Variants in TRPM8 observed in about 807,000 individuals in gnomAD.
The protein encoded by TRPM8 is TRPM8 cationic channel.
In TRPM8, 110 loss-of-function variants were observed where a neutral mutation model predicts 133.7. The observed-to-expected ratio is 0.82, with a 90% CI of 0.70 to 0.96. The LOEUF is 0.96. TRPM8 is among the 40% of genes least tolerant of loss of function. The pLI, the probability that TRPM8 is intolerant of heterozygous loss-of-function variation, is 0.00. For missense variants in TRPM8, 1,291 were observed against 1,379.5 expected, an observed-to-expected ratio of 0.94 and a Z score of 1.02; for synonymous variants, 535 against 532.3, an observed-to-expected ratio of 1.01 and a Z score of -0.07.
intron 20 of TRPM8, among the ~76,000 whole-genome samples, chr2:233,983,710 G>A (rs758018897): frequency 6.6e-6 from 1 of 152,178 alleles, no homozygotes; most frequent in Non-Finnish European, 1.5e-5. Flanking sequence ...GCCCACACCC[G>A]ATTTACAGAA....
chr2:233,945,804 G>A, intron 6 of TRPM8, 52 bp from the exon 7 acceptor site: 2 of 1,491,472 alleles, frequency 1.3e-6, no homozygotes, highest in Non-Finnish European at 1.9e-6. Flanking sequence ...ATATCATCAT[G>A]TATCTTGACT....
intron 8 of TRPM8, 93 bp downstream of exon 8, chr2:233,947,248 A>G: frequency 1.9e-6 from 3 of 1,576,574 alleles, no homozygotes; most frequent in South Asian, 2.3e-5. Flanking sequence ...AATCTAACCT[A>G]ATTGATTTTA....
intron 21 of TRPM8, among the ~76,000 whole-genome samples, chr2:233,995,926 G>C (rs981658649): frequency 4.6e-5 from 7 of 151,856 alleles, no homozygotes; most frequent in Admixed American, 1.3e-4. Context: ...TTTCTTCTCA[G>C]GCTGTTTACA....
intron 1 of TRPM8, among the ~76,000 whole-genome samples, chr2:233,920,943 G>A (rs964228513): frequency 2.0e-5 from 3 of 147,810 alleles, no homozygotes; most frequent in Non-Finnish European, 4.4e-5. Flanking sequence ...CGCAACCTCC[G>A]CCTCCTGGAT....
chr2:233,930,747 C>A lies in TRPM8; in HGVS notation c.191+6C>A. 1 of 1,593,770 alleles carries A rather than the reference C, an allele frequency of 6.3e-7. No individual in the cohort carries two copies. ...ACCAAAGATTCCAAGGCCACGTAAG[C>A]TACTATTTTCCCTCCAGTTTTGCTT... On this transcript the variant is annotated splice_donor_region_variant and intron_variant, in intron 3 of 25. Transcript: ENST00000324695.
chr2:233,951,035 TACAAACAAACAAACAA>T (rs67334712), intron 9 of TRPM8, among the ~76,000 whole-genome samples: 6 of 150,712 alleles, frequency 4.0e-5, no homozygotes, highest in South Asian at 2.1e-4. Context: ...ACCCCGTCCC[TACAAACAAACAAACAA>T]ACAAACAAAC....
intron 3 of TRPM8, among the ~76,000 whole-genome samples, chr2:233,932,554 C>T (rs763183796): frequency 3.3e-5 from 5 of 152,104 alleles, no homozygotes; most frequent in East Asian, 1.9e-4. Flanking sequence ...AAAATCAGGG[C>T]GCACTTACTA....
At chr2:233,943,444 C>T (rs1690966756) in intron 6 of TRPM8, among the ~76,000 whole-genome samples, 1 of 152,210 alleles carries the variant, frequency 6.6e-6, no homozygotes, top group African/African-American at 2.4e-5. Flanking sequence ...TGGAAACCAT[C>T]ATTCTCAGCA....
At chr2:233,978,175 A>G (rs1450779204) in intron 17 of TRPM8, among the ~76,000 whole-genome samples, 3 of 148,840 alleles carry the variant, frequency 2.0e-5, no homozygotes, top group Non-Finnish European at 4.4e-5. Context: ...GAACACACGT[A>G]TTTCACAGAA....
Position 233,985,729 on chromosome 2 carries a change from G to C in TRPM8, c.2803G>C (p.Glu935Gln), listed in dbSNP as rs754517958. 3.1e-5 allele frequency: 50 copies of C among 1,614,204 alleles called. 1 individual carries two copies. In the South Asian group the frequency reaches 5.4e-4, roughly 17 times the overall value. ...DFAHCTFTGN[E>Q]SKPLCVELDE... Reference sequence around the variant, plus strand: ...TGCCCACTGCACCTTCACTGGGAATGAGTCCAAGCCACTGTGTGTGGAGCT... The same window carrying C: ...TGCCCACTGCACCTTCACTGGGAATCAGTCCAAGCCACTGTGTGTGGAGCT... The change falls in exon 21 of 26, where the codon GAG (glutamate) becomes CAG (glutamine). Residue 935 changes from glutamate (E) to glutamine (Q), a missense_variant. This residue lies in a region of TRPM8 where 328 missense variants were observed against 410.6 expected (regional missense o/e 0.80). Transcript: ENST00000324695.
rs375752956 is a variant in TRPM8, at chr2:233,996,333, G to A, written c.2947G>A (p.Val983Met). 3 of 1,614,072 alleles carry A rather than the reference G, an allele frequency of 1.9e-6. No homozygotes were observed. Among genetic ancestry groups the A allele is most frequent in the Non-Finnish European group, 2.5e-6 (3 of 1,179,966 alleles). ...NLLVAMFGYTVGTVQENNDQV... is the reference protein window; with the variant it reads ...NLLVAMFGYTMGTVQENNDQV... ...TCTCTCTTCCCTCACCAGCTACACGGTGGGCACCGTCCAGGAGAACAATGA... is the reference window on the plus strand; with the variant it reads ...TCTCTCTTCCCTCACCAGCTACACGATGGGCACCGTCCAGGAGAACAATGA... Residue 983 changes from valine (V) to methionine (M), a missense_variant, in exon 22 of 26, where the codon GTG (valine) becomes ATG (methionine). By Grantham distance (21) the Val-to-Met change is conservative. Around this residue, in one of 2 missense-constraint regions of TRPM8, gnomAD observed 328 missense variants for 410.6 expected, o/e 0.80. Coordinates refer to ENST00000324695, the MANE Select transcript of TRPM8 (RefSeq NM_024080.5).
intron 24 of TRPM8, among the ~76,000 whole-genome samples, chr2:234,008,665 A>G (rs1692757489): frequency 1.3e-5 from 2 of 152,194 alleles, no homozygotes; most frequent in African/African-American, 2.4e-5. Context: ...TTGGTATTCT[A>G]TCACGTTAGT....
intron 21 of TRPM8, among the ~76,000 whole-genome samples, chr2:233,986,509 G>A (rs1229451182): frequency 1.3e-5 from 2 of 152,124 alleles, no homozygotes; most frequent in Non-Finnish European, 2.9e-5. Flanking sequence ...TTCCTTCAAG[G>A]TATATCAGCA....
intron 14 of TRPM8, 112 bp from the exon 15 acceptor site, chr2:233,966,497 GA>G (rs1691578606): frequency 1.6e-6 from 2 of 1,290,228 alleles, no homozygotes; most frequent in Non-Finnish European, 2.2e-6. Flanking sequence ...TGTAAGAATG[GA>G]CTCACGCACA....
intron 22 of TRPM8, among the ~76,000 whole-genome samples, chr2:234,005,105 T>A (rs1342503255): frequency 3.9e-5 from 6 of 152,232 alleles, no homozygotes; most frequent in African/African-American, 1.4e-4. Flanking sequence ...TTTGAGTTAT[T>A]TCTAAAGAGA....
In TRPM8 at chr2:233,939,066, G is replaced by C; in HGVS notation, c.417G>C (p.Leu139=). The C allele has an allele frequency of 6.2e-7, 1 of 1,614,238 alleles. No homozygotes were observed. The highest frequency in any genetic ancestry group is 8.5e-7 in the Non-Finnish European group (1 of 1,180,044). The change falls in exon 5 of 26, where the codon CTG becomes CTC. Residue 139 remains leucine, a synonymous_variant. Transcript: ENST00000324695. ...LYELLTQHWH[L]KTPNLVISVT... ...AGCTGCTGACCCAGCACTGGCACCT[G>C]AAAACACCCAACCTGGTCATTTCTG...
intron 19 of TRPM8, 70 bp from the exon 20 acceptor site, chr2:233,982,983 C>CGG: frequency 6.5e-7 from 1 of 1,541,150 alleles, no homozygotes; most frequent in Non-Finnish European, 8.8e-7. Context: ...CCACTGAGGA[C>CGG]GGCCGGGCCG....
chr2:233,929,792 G>A (rs544139877), intron 2 of TRPM8: 2 of 152,358 alleles, frequency 1.3e-5, no homozygotes, highest in Admixed American at 6.5e-5. Flanking sequence ...AGGAACGGTT[G>A]TATCTGTTTA....
intron 19 of TRPM8, 42 bp from the exon 20 acceptor site, chr2:233,983,011 T>A (rs201093321): frequency 3.2e-6 from 5 of 1,584,392 alleles, no homozygotes; most frequent in Non-Finnish European, 3.4e-6. Flanking sequence ...TTGCCAACTG[T>A]GGGCACGGTC....
Sources: gnomAD v4.1 joint callset for allele counts (sites outside exome capture counted in the v4.1 genomes callset) on GRCh38, gnomAD v4.1.1 for gene constraint, gnomAD v4.1.1 regional missense constraint, MANE v1.5 for transcripts, NCBI Gene and HGNC (gene_info 2026-07-23, HGNC 2026-07-21) for gene names.